The following DOCK4 variants were observed in gnomAD, a reference collection of about 807,000 sequenced individuals.
The protein encoded by DOCK4 is dedicator of cytokinesis protein 4.
Under a neutral mutation model 268.1 loss-of-function variants are expected in DOCK4, and 97 were observed. The observed-to-expected ratio is 0.36, with a 90% CI of 0.31 to 0.43. The LOEUF (loss-of-function observed/expected upper bound fraction) is 0.43. Ranked by LOEUF, DOCK4 falls within the 20% of genes least tolerant of loss-of-function variation. The pLI is 1.00. For missense variants in DOCK4, 2,145 were observed against 2,455.7 expected (o/e 0.87, Z 2.67); for synonymous variants, 954 against 887.2 (o/e 1.08, Z -1.34).
intron 1 of DOCK4, among the ~76,000 whole-genome samples, chr7:112,134,405 G>A (rs1814114331): frequency 2.0e-5 from 3 of 152,180 alleles, no homozygotes; most frequent in Non-Finnish European, 2.9e-5. Flanking sequence ...TTTTACTTAT[G>A]TCTTTAAATA....
chr7:111,742,019 C>A lies in DOCK4; in HGVS notation c.4791G>T (p.Gly1597=). The change falls in exon 45 of 53, where the codon GGG becomes GGT. Residue 1597 remains glycine, a synonymous_variant. Transcript: ENST00000428084. ...DQFFVMKSSL[G]IQEFSACMQA... Reference sequence around the variant, plus strand: ...GACACCTAAGTATACATACCTGTATCCCTAAGCTCGACTTCATCACAAAGA... The same window carrying A: ...GACACCTAAGTATACATACCTGTATACCTAAGCTCGACTTCATCACAAAGA... 6.3e-7 allele frequency: 1 copy of A among 1,599,752 alleles called. No homozygotes were observed. The highest frequency in any genetic ancestry group is 8.5e-7 in the Non-Finnish European group (1 of 1,173,926).
Position 111,810,988 on chromosome 7 carries a change from C to G in DOCK4, c.3006+886G>C, listed in dbSNP as rs540013076. Among the ~76,000 whole-genome samples the G allele has an allele frequency of 2.0e-5, 3 of 152,156 alleles. No homozygotes were observed. The East Asian group carries it at 5.8e-4, about 29-fold the overall frequency. On this transcript the variant is annotated intron_variant, in intron 28 of 52. Transcript: ENST00000428084. The stretch of plus-strand genomic sequence containing the variant: ...CTGCATTCCAGCCTGGGCAACAGAG[C>G]AGGACTCTGTCTCAAAAACAAAACA...
intron 35 of DOCK4, among the ~76,000 whole-genome samples, chr7:111,782,580 C>T (rs906560131): frequency 9.2e-5 from 14 of 152,100 alleles, no homozygotes; most frequent in African/African-American, 3.4e-4. Context: ...TGAAGTAGTG[C>T]AACCGGGGAA....
intron 36 of DOCK4, among the ~76,000 whole-genome samples, chr7:111,776,214 C>T (rs1302097193): frequency 6.6e-6 from 1 of 152,056 alleles, no homozygotes; most frequent in South Asian, 2.1e-4. Flanking sequence ...AGATGCCAAC[C>T]CCAATTTGAT....
chr7:111,790,052 A>C (rs1462453654), intron 31 of DOCK4, among the ~76,000 whole-genome samples: 2 of 152,192 alleles, frequency 1.3e-5, no homozygotes, highest in Non-Finnish European at 2.9e-5. Flanking sequence ...GAGCAATAAA[A>C]CATACTGTAA....
At chr7:111,820,723 GA>G (rs1263455994) in intron 27 of DOCK4, 3 of 152,174 alleles carry the variant, frequency 2.0e-5, no homozygotes, top group Non-Finnish European at 4.4e-5. Context: ...CTTTCAGTTT[GA>G]ATTTCTACCA....
chr7:112,100,338 G>A lies in DOCK4; in HGVS notation c.38-96207C>T, dbSNP rs561498628. Among the ~76,000 whole-genome samples, 12 of 152,316 alleles carry A rather than the reference G, an allele frequency of 7.9e-5. No homozygotes were observed. In the East Asian group the frequency reaches 1.2e-3, roughly 15 times the overall value. On this transcript the variant is annotated intron_variant, in intron 1 of 52. Coordinates refer to ENST00000428084, the MANE Select transcript of DOCK4 (RefSeq NM_001363540.2). ...ATGAGATTCACTGTGGAATAGATAC[G>A]CATTTGGATGCTGAGTTAATAAAAT...
intron 1 of DOCK4, among the ~76,000 whole-genome samples, chr7:112,158,842 C>A (rs955360292): frequency 6.6e-6 from 1 of 152,182 alleles, no homozygotes; most frequent in African/African-American, 2.4e-5. Flanking sequence ...ACTTAAAAAT[C>A]ATTTGTTTCC....
chr7:111,960,584 T>G (rs1247032529), intron 8 of DOCK4, among the ~76,000 whole-genome samples: 2 of 144,984 alleles, frequency 1.4e-5, no homozygotes, highest in African/African-American at 5.1e-5. Context: ...CTCTTAGCAA[T>G]GTGCAAGTAT....
intron 16 of DOCK4, among the ~76,000 whole-genome samples, chr7:111,888,325 C>G (rs1017422268): frequency 6.6e-6 from 1 of 150,858 alleles, no homozygotes; most frequent in South Asian, 2.1e-4. Context: ...TATGCAGGCA[C>G]AGTAGAACTA....
At chr7:112,014,565 G>C (rs1296225995) in intron 1 of DOCK4, among the ~76,000 whole-genome samples, 1 of 147,780 alleles carries the variant, frequency 6.8e-6, no homozygotes, top group Admixed American at 6.7e-5. Context: ...TTTCAGGCTA[G>C]TTCTCCTTCT....
At chr7:111,993,533 A>G (rs1465693093) in intron 5 of DOCK4, among the ~76,000 whole-genome samples, 1 of 152,178 alleles carries the variant, frequency 6.6e-6, no homozygotes, top group Admixed American at 6.5e-5. Flanking sequence ...GGATGTGATC[A>G]TCATTATTAT....
At chr7:111,730,923 GAATT>G (rs1479192357) in intron 52 of DOCK4, among the ~76,000 whole-genome samples, 1 of 152,092 alleles carries the variant, frequency 6.6e-6, no homozygotes, top group Non-Finnish European at 1.5e-5. Context: ...TAATGTTTAA[GAATT>G]AATCTCTTAA....
At chr7:111,774,823 G>A (rs574341926) in intron 36 of DOCK4, among the ~76,000 whole-genome samples, 4 of 152,300 alleles carry the variant, frequency 2.6e-5, no homozygotes, top group Admixed American at 2.0e-4. Context: ...GGCCCAGACC[G>A]TAAATAATTT....
intron 1 of DOCK4, among the ~76,000 whole-genome samples, chr7:112,126,454 T>C (rs1813225346): frequency 6.6e-6 from 1 of 152,192 alleles, no homozygotes; most frequent in East Asian, 1.9e-4. Context: ...CCGCTTAGTG[T>C]CTAGTACCAG....
intron 7 of DOCK4, 135 bp from the exon 8 acceptor site, chr7:111,977,418 T>A: frequency 1.1e-6 from 1 of 890,518 alleles, no homozygotes; most frequent in Non-Finnish European, 1.6e-6. Context: ...ATTTGGTATC[T>A]AAATCCACAG....
At chr7:111,913,526 C>T (rs11979308) in intron 13 of DOCK4, among the ~76,000 whole-genome samples, 1 of 151,316 alleles carries the variant, frequency 6.6e-6, no homozygotes, top group African/African-American at 2.4e-5. Context: ...TCTCCTGCCT[C>T]AGCCTCCCGA....
rs748071613 is a variant in DOCK4 at position 111,895,620 on chromosome 7, C to T, written c.1579G>A (p.Val527Met). ...TLPDGTHELI[V>M]HKCEENTNLQ... ...CATCTGACTGATGTTACCTTATGCACGATGAGCTCATGAGTGCCATCTGGA... is the reference window on the plus strand; with the variant it reads ...CATCTGACTGATGTTACCTTATGCATGATGAGCTCATGAGTGCCATCTGGA... The change falls in exon 16 of 53, where the codon GTG becomes ATG. Residue 527 changes from valine to methionine, a missense_variant. Coordinates refer to ENST00000428084, the MANE Select transcript of DOCK4 (RefSeq NM_001363540.2). 13 of 1,613,700 alleles carry T rather than the reference C, an allele frequency of 8.1e-6. No homozygotes were observed. Among genetic ancestry groups the T allele is most frequent in the African/African-American group, 4.0e-5 (3 of 74,910 alleles).
intron 16 of DOCK4, among the ~76,000 whole-genome samples, chr7:111,886,611 A>C (rs1458854120): frequency 6.6e-6 from 1 of 151,898 alleles, no homozygotes; most frequent in African/African-American, 2.4e-5. Context: ...GCAAGGGAGG[A>C]AAAGTCAAGG....
Sources: gnomAD v4.1 joint callset for allele counts (sites outside exome capture counted in the v4.1 genomes callset) on GRCh38, gnomAD v4.1.1 for gene constraint, MANE v1.5 for transcripts, NCBI Gene and HGNC (gene_info 2026-07-23, HGNC 2026-07-21) for gene names.